The following STIMATE variants were observed in gnomAD, a reference collection of about 807,000 sequenced individuals.
STIMATE encodes STIM activating enhancer, also known as store-operated calcium entry regulator STIMATE.
A neutral mutation model predicts 36.7 loss-of-function variants in STIMATE; 15 were observed. The observed-to-expected ratio is 0.41, with a 90% CI of 0.27 to 0.63. STIMATE has a LOEUF of 0.63. Among genes scored for constraint, STIMATE ranks in the 20% least tolerant of loss-of-function variants. The pLI, the probability that STIMATE is intolerant of heterozygous loss-of-function variation, is 0.32. For synonymous variants in STIMATE, 163 were observed against 162.3 expected, an observed-to-expected ratio of 1.00 and a Z score of -0.03; for missense variants, 305 against 397.3, an observed-to-expected ratio of 0.77 and a Z score of 1.98.
chr3:52,897,298 C>A lies in STIMATE; in HGVS notation c.153G>T (p.Thr51=). ...QGLLGVVAFS[T]LMLKRFREPK... Reference sequence around the variant, plus strand: ...GGGGGGTCCCAGACTCACGCATTAACGTGCTGAAGGCCACGACGCCGAGCA... The same window carrying A: ...GGGGGGTCCCAGACTCACGCATTAAAGTGCTGAAGGCCACGACGCCGAGCA... Residue 51 remains threonine, a synonymous_variant, in exon 1 of 8, where the codon ACG becomes ACT. Coordinates refer to ENST00000355083, the MANE Select transcript of STIMATE (RefSeq NM_198563.5). The A allele has an allele frequency of 6.4e-7, 1 of 1,551,694 alleles. No homozygotes were observed. The highest frequency in any genetic ancestry group is 8.6e-7 in the Non-Finnish European group (1 of 1,156,198).
Position 52,886,732 on chromosome 3 carries a change from T to C in STIMATE, c.160+10559A>G, listed in dbSNP as rs547111001. The stretch of plus-strand genomic sequence containing the variant: ...CAGTTATTAATTACAAAGGGAAAAA[T>C]TGTAACTTCACAGTGAGAGAGCTGG... On this transcript the variant is annotated intron_variant, in intron 1 of 7. Transcript: ENST00000355083. 3.9e-5 allele frequency among the ~76,000 whole-genome samples: 6 copies of C among 152,298 alleles called. No individual in the cohort carries two copies. In the South Asian group the frequency reaches 6.2e-4, roughly 16 times the overall value.
chr3:52,853,381 C>T (rs906754653), intron 2 of STIMATE, among the ~76,000 whole-genome samples: 2 of 152,140 alleles, frequency 1.3e-5, no homozygotes, highest in African/African-American at 4.8e-5. Context: ...GAGCTAACCC[C>T]GACCCATGTG....
chr3:52,852,683 G>A lies in STIMATE; in HGVS notation c.225C>T (p.Ser75=). 1 of 1,613,966 alleles carries A rather than the reference G, an allele frequency of 6.2e-7. No homozygotes were observed. Among genetic ancestry groups the A allele is most frequent in the Non-Finnish European group, 8.5e-7 (1 of 1,180,008 alleles). Reference sequence around the variant, plus strand: ...TGAACAGCATTCCTATGGCTTGTTTGGAAGTGTCTAAAAACCTGTACAAAA... The same window carrying A: ...TGAACAGCATTCCTATGGCTTGTTTAGAAGTGTCTAAAAACCTGTACAAAA... ...RPWRIWFLDT[S]KQAIGMLFIH... The change falls in exon 3 of 8, where the codon TCC becomes TCT. Residue 75 remains serine (S), a synonymous_variant. Coordinates refer to ENST00000355083, the MANE Select transcript of STIMATE (RefSeq NM_198563.5).
At chr3:52,851,356 C>T (rs909003311) in intron 3 of STIMATE, among the ~76,000 whole-genome samples, 1 of 152,252 alleles carries the variant, frequency 6.6e-6, no homozygotes, top group African/African-American at 2.4e-5. Flanking sequence ...AGCTGCAGGA[C>T]ACCACACACT....
intron 6 of STIMATE, 141 bp from the exon 7 acceptor site, chr3:52,843,101 C>T: frequency 7.1e-7 from 1 of 1,409,808 alleles, no homozygotes; most frequent in Non-Finnish European, 9.5e-7. Context: ...TCACCCTGCT[C>T]TCTCCCAAAG....
rs188171915 is a variant in STIMATE, at chr3:52,849,668, C to T, written c.427+124G>A. 108 of 1,466,108 alleles carry T rather than the reference C, an allele frequency of 7.4e-5. 1 individual carries two copies. The Admixed American group carries it at 1.8e-3, about 24-fold the overall frequency. The allele number at this position is 1,466,108 out of a possible 1,614,324, so 90.8% of individuals were successfully genotyped here. A position where few individuals can be genotyped will look rare whatever the true frequency, so the allele number is the denominator to read the frequency against. On this transcript the variant is annotated intron_variant, in intron 4 of 7. Coordinates refer to ENST00000355083, the MANE Select transcript of STIMATE (RefSeq NM_198563.5). ...ACCCAGAACAGCCCCCTCTACCACA[C>T]AGAGAAGACAATGGCAGCTCCCCAG...
chr3:52,866,110 C>T (rs1701305027), intron 1 of STIMATE, among the ~76,000 whole-genome samples: 1 of 152,148 alleles, frequency 6.6e-6, no homozygotes, highest in Non-Finnish European at 1.5e-5. Context: ...ATCTGAGGGG[C>T]AGATTCCTAG....
At chr3:52,869,302 A>G (rs1194491310) in intron 1 of STIMATE, among the ~76,000 whole-genome samples, 1 of 152,046 alleles carries the variant, frequency 6.6e-6, no homozygotes, top group African/African-American at 2.4e-5. Context: ...CTGGCCTAAA[A>G]CCCTCCAGTG....
At position 52,849,886 on chromosome 3, in the gene STIMATE, G is replaced by A; in HGVS notation, c.333C>T (p.Ala111=). Residue 111 remains alanine (A), a synonymous_variant, in exon 4 of 8, where the codon GCC becomes GCT. Transcript: ENST00000355083. ...CGTAGATGAGCAGCATGCCCACAGT[G>A]GCGTCCAGGAGGAAGTTGATGAGGT... The part of the protein sequence containing the change: ...SLYLINFLLD[A]TVGMLLIYVG... The A allele has an allele frequency of 1.2e-6, 2 of 1,613,788 alleles. No individual in the cohort carries two copies. Among genetic ancestry groups the A allele is most frequent in the Non-Finnish European group, 8.5e-7 (1 of 1,179,942 alleles).
chr3:52,872,981 C>T (rs529897134), intron 1 of STIMATE, among the ~76,000 whole-genome samples: 2 of 152,332 alleles, frequency 1.3e-5, no homozygotes, highest in Non-Finnish European at 2.9e-5. Context: ...TGCTCATGAA[C>T]ATTTTTTGGT....
intron 1 of STIMATE, among the ~76,000 whole-genome samples, chr3:52,882,859 T>C (rs1701630762): frequency 6.6e-6 from 1 of 152,074 alleles, no homozygotes; most frequent in Non-Finnish European, 1.5e-5. Context: ...GCCACAGCAG[T>C]GCATGGGAGG....
At chr3:52,891,764 AC>A (rs1444436166) in intron 1 of STIMATE, among the ~76,000 whole-genome samples, 3 of 152,138 alleles carry the variant, frequency 2.0e-5, no homozygotes, top group African/African-American at 7.2e-5. Context: ...GGAATGTTTA[AC>A]CTAATTCAGA....
intron 5 of STIMATE, among the ~76,000 whole-genome samples, chr3:52,844,271 A>C (rs553449983): frequency 9.1e-4 from 138 of 152,334 alleles, no homozygotes; most frequent in Middle Eastern, 6.8e-3. Flanking sequence ...AACACAAATA[A>C]AACCCAAAGG....
chr3:52,859,583 C>T (rs1701178385), intron 1 of STIMATE, among the ~76,000 whole-genome samples: 1 of 110,178 alleles, frequency 9.1e-6, no homozygotes, highest in Non-Finnish European at 1.7e-5. Context: ...ACCCGTAGTC[C>T]CAGCTACTTG....
chr3:52,889,899 A>G (rs1701754352), intron 1 of STIMATE, among the ~76,000 whole-genome samples: 1 of 152,194 alleles, frequency 6.6e-6, no homozygotes, highest in South Asian at 2.1e-4. Flanking sequence ...ATGCACCCGT[A>G]AAAGAGGCCT....
chr3:52,852,167 T>C (rs1277268071), intron 3 of STIMATE, among the ~76,000 whole-genome samples: 5 of 152,130 alleles, frequency 3.3e-5, no homozygotes, highest in East Asian at 1.9e-4. Flanking sequence ...CACATTGCAA[T>C]GATAAGGTGG....
rs2276825 is a variant in STIMATE at position 52,852,589 on chromosome 3, T to C, written c.305+14A>G. ...GGGGCAGCTGATGTTTGCACTCAAA[T>C]AGGGAACACTTACAGTGAACAAGGG... is the stretch of plus-strand genomic sequence containing the variant. On this transcript the variant is annotated intron_variant, in intron 3 of 7. Transcript: ENST00000355083. 399,352 of 1,612,272 alleles carry C rather than the reference T, an allele frequency of 0.25. 52,228 individuals are homozygous for C. The highest frequency in any genetic ancestry group is 0.45 in the Admixed American group (26,598 of 59,668).
rs182794849 is a variant in STIMATE, at chr3:52,863,388, C to T, written c.161-7944G>A. The stretch of plus-strand genomic sequence containing the variant: ...GATAAAATCATCAGATCTTGTGAGA[C>T]TTATTCACTACCACAGGAACAGTAT... On this transcript the variant is annotated intron_variant, in intron 1 of 7. Transcript: ENST00000355083. Among the ~76,000 whole-genome samples, 694 of 152,248 alleles carry T rather than the reference C, an allele frequency of 4.6e-3. 7 individuals are homozygous for T. The highest frequency in any genetic ancestry group is 7.8e-3 in the Non-Finnish European group (528 of 68,014).
At chr3:52,888,581 C>T (rs1281050150) in intron 1 of STIMATE, among the ~76,000 whole-genome samples, 1 of 152,152 alleles carries the variant, frequency 6.6e-6, no homozygotes, top group East Asian at 1.9e-4. Flanking sequence ...CATTTAAATG[C>T]ACTGTTACTA....
Sources: allele counts gnomAD v4.1 joint callset (sites outside exome capture counted in the v4.1 genomes callset), GRCh38; gene constraint gnomAD v4.1.1; transcripts MANE v1.5; gene names NCBI Gene and HGNC (gene_info 2026-07-23, HGNC 2026-07-21).